The following KCNG3 variants were observed in gnomAD, a reference collection of about 807,000 sequenced individuals.
The protein encoded by KCNG3 is potassium voltage-gated channel modifier subfamily G member 3, also known as voltage-gated potassium channel regulatory subunit KCNG3.
A neutral mutation model predicts 29.0 loss-of-function variants in KCNG3; 15 were observed. The observed-to-expected ratio is 0.52, with a 90% CI of 0.35 to 0.80. KCNG3 has a LOEUF of 0.80. KCNG3 is among the 30% of genes least tolerant of loss of function. The probability of loss-of-function intolerance (pLI) is 0.01; values close to 1 mark genes in which losing one functional copy is unlikely to be tolerated. For synonymous variants in KCNG3, 322 were observed against 248.9 expected, an observed-to-expected ratio of 1.29 and a Z score of -2.76; for missense variants, 512 against 605.7, an observed-to-expected ratio of 0.85 and a Z score of 1.62.
the KCNG3 span, among the ~76,000 whole-genome samples, chr2:42,408,649 A>C: frequency 6.6e-6 from 1 of 152,158 alleles, no homozygotes; most frequent in Admixed American, 6.5e-5. Context: ...CTAGTGCTCA[A>C]TAAAGCTCCT....
At chr2:42,469,886 A>G (rs1162474060) in intron 1 of KCNG3, 2 of 271,790 alleles carry the variant, frequency 7.4e-6, no homozygotes, top group Non-Finnish European at 1.4e-5. Context: ...CAGCATCACC[A>G]CTTGGCTGAA....
intron 1 of KCNG3, among the ~76,000 whole-genome samples, chr2:42,456,873 A>G (rs1290330751): frequency 6.6e-6 from 1 of 152,174 alleles, no homozygotes; most frequent in Non-Finnish European, 1.5e-5. Flanking sequence ...TTCATTACCT[A>G]GAGTCTTTCA....
At chr2:42,489,439 T>A (rs989616282) in intron 1 of KCNG3, among the ~76,000 whole-genome samples, 1 of 152,126 alleles carries the variant, frequency 6.6e-6, no homozygotes, top group Non-Finnish European at 1.5e-5. Flanking sequence ...ACAAATAGTA[T>A]AAGAGAATTT....
chr2:42,463,495 A>G (rs1673068572), intron 1 of KCNG3: 1 of 168,160 alleles, frequency 5.9e-6, no homozygotes, highest in African/African-American at 2.4e-5. Context: ...CTTGTAGCCA[A>G]GAGTAAAGTC....
At chr2:42,396,817 C>G in the KCNG3 span, among the ~76,000 whole-genome samples, 1 of 152,144 alleles carries the variant, frequency 6.6e-6, no homozygotes, top group Non-Finnish European at 1.5e-5. Context: ...CAGGCACATG[C>G]TGTAACCACT....
the KCNG3 span, among the ~76,000 whole-genome samples, chr2:42,398,997 T>G: frequency 3.3e-5 from 5 of 152,072 alleles, no homozygotes; most frequent in African/African-American, 1.2e-4. Context: ...CCTGTTCATA[T>G]CCCTGGCCCG....
chr2:42,452,768 T>TGG (rs983034952), intron 1 of KCNG3, among the ~76,000 whole-genome samples: 3 of 74,834 alleles, frequency 4.0e-5, no homozygotes, highest in Non-Finnish European at 8.3e-5. Context: ...TACATTCAAC[T>TGG]GGGTGTGTGT....
chr2:42,438,122 G>A (rs1437125763), downstream of KCNG3, among the ~76,000 whole-genome samples: 2 of 152,060 alleles, frequency 1.3e-5, no homozygotes, highest in East Asian at 3.8e-4. Flanking sequence ...TAAGATCGAG[G>A]TTGTAATATG....
the KCNG3 span, among the ~76,000 whole-genome samples, chr2:42,424,017 AT>A: frequency 6.6e-6 from 1 of 152,128 alleles, no homozygotes; most frequent in Non-Finnish European, 1.5e-5. Flanking sequence ...CAACTTCAAG[AT>A]CCTCTTTCCC....
intron 1 of KCNG3, among the ~76,000 whole-genome samples, chr2:42,488,576 G>A (rs892991801): frequency 1.3e-5 from 2 of 148,328 alleles, no homozygotes; most frequent in Non-Finnish European, 3.0e-5. Context: ...TTGAGACTCA[G>A]TCTCACTTTA....
At chr2:42,420,548 G>C in the KCNG3 span, among the ~76,000 whole-genome samples, 1 of 152,238 alleles carries the variant, frequency 6.6e-6, no homozygotes, top group African/African-American at 2.4e-5. Flanking sequence ...CCAGCACTTT[G>C]GGAGGCCGAG....
At chr2:42,418,708 C>G in the KCNG3 span, among the ~76,000 whole-genome samples, 4 of 152,206 alleles carry the variant, frequency 2.6e-5, no homozygotes, top group East Asian at 7.7e-4. Context: ...ACCATCTTAA[C>G]TATTTTGAAG....
intron 1 of KCNG3, among the ~76,000 whole-genome samples, chr2:42,449,574 G>C: frequency 7.0e-6 from 1 of 141,980 alleles, no homozygotes; most frequent in Non-Finnish European, 1.5e-5. Flanking sequence ...CTGGAGCACA[G>C]TGGTACGATG....
In KCNG3 at chr2:42,442,771, A is replaced by T. The variant is rs1672513812; in HGVS notation, c.*1163T>A. The T allele has an allele frequency of 6.6e-6, 1 of 152,212 alleles. No individual in the cohort carries two copies. The highest frequency in any genetic ancestry group is 1.5e-5 in the Non-Finnish European group (1 of 68,030). The allele number at this position is 152,212 out of a possible 1,614,324, so 9.4% of individuals were successfully genotyped here. On this transcript the variant is annotated 3_prime_UTR_variant, in exon 2 of 2. Transcript: ENST00000306078. ...CACTTTTACATTATCTAGTCCTAATAATCTAGCCAGATTAACATGGCATAT... is the reference window on the plus strand; with the variant it reads ...CACTTTTACATTATCTAGTCCTAATTATCTAGCCAGATTAACATGGCATAT...
chr2:42,462,946 G>A (rs1673053929), intron 1 of KCNG3, among the ~76,000 whole-genome samples: 1 of 152,084 alleles, frequency 6.6e-6, no homozygotes, highest in African/African-American at 2.4e-5. Flanking sequence ...CAGCTAAAAG[G>A]ACCTTTTTTG....
At chr2:42,456,450 A>G (rs1672875301) in intron 1 of KCNG3, among the ~76,000 whole-genome samples, 1 of 152,138 alleles carries the variant, frequency 6.6e-6, no homozygotes, top group Non-Finnish European at 1.5e-5. Flanking sequence ...ACCTGAGCCC[A>G]GGGCTGCAGT....
chr2:42,491,226 G>A (rs895474001), intron 1 of KCNG3, among the ~76,000 whole-genome samples: 4 of 151,306 alleles, frequency 2.6e-5, no homozygotes, highest in African/African-American at 7.3e-5. Context: ...AAATTACTAT[G>A]CATTTCTCTC....
At chr2:42,425,246 A>AG in the KCNG3 span, among the ~76,000 whole-genome samples, 1 of 151,752 alleles carries the variant, frequency 6.6e-6, no homozygotes, top group East Asian at 1.9e-4. Flanking sequence ...AAAAAAAAAA[A>AG]AAAAATTAGC....
chr2:42,491,880 T>G (rs374413749), intron 1 of KCNG3, among the ~76,000 whole-genome samples: 79 of 152,326 alleles, frequency 5.2e-4, no homozygotes, highest in African/African-American at 1.8e-3. Context: ...AGGAGGATCT[T>G]AAGACAGTGT....
Sources: gnomAD v4.1 joint callset for allele counts (sites outside exome capture counted in the v4.1 genomes callset) on GRCh38, gnomAD v4.1.1 for gene constraint, MANE v1.5 for transcripts, NCBI Gene and HGNC (gene_info 2026-07-23, HGNC 2026-07-21) for gene names.